Variants in DCDC1 observed in about 807,000 individuals in gnomAD.
The protein encoded by DCDC1 is doublecortin domain containing 1.
A neutral mutation model predicts 178.3 loss-of-function variants in DCDC1; 200 were observed. That is an observed-to-expected ratio of 1.12 (90% CI 1.00 to 1.26). The LOEUF is 1.26. DCDC1 is among the 50% of genes most tolerant of loss of function. The probability of loss-of-function intolerance (pLI) is 0.00; values close to 1 mark genes in which losing one functional copy is unlikely to be tolerated. For synonymous variants in DCDC1, 690 were observed against 604.8 expected (o/e 1.14, Z -2.07); for missense variants, 1,983 against 1,749.2 (o/e 1.13, Z -2.38).
At chr11:31,152,730 C>A (rs539994683) in intron 9 of DCDC1, among the ~76,000 whole-genome samples, 2 of 152,270 alleles carry the variant, frequency 1.3e-5, no homozygotes, top group East Asian at 3.9e-4. Flanking sequence ...GCACCTGTGG[C>A]CATCCAAGAG....
chr11:30,892,685 A>G (rs1293644594), intron 36 of DCDC1, 133 bp downstream of exon 36: 1 of 984,820 alleles, frequency 1.0e-6, no homozygotes, highest in Non-Finnish European at 1.5e-6. Flanking sequence ...TCCTATGAGG[A>G]AAGTACTGTT....
intron 9 of DCDC1, among the ~76,000 whole-genome samples, chr11:31,138,795 G>A (rs1349564223): frequency 6.6e-6 from 1 of 152,146 alleles, no homozygotes; most frequent in Non-Finnish European, 1.5e-5. Flanking sequence ...TAGAGGAAGG[G>A]AGGTTCAAAA....
chr11:31,194,732 T>A (rs558795023), intron 9 of DCDC1, among the ~76,000 whole-genome samples: 1 of 152,104 alleles, frequency 6.6e-6, no homozygotes, highest in Admixed American at 6.6e-5. Context: ...AATACTGTGA[T>A]GGACATTTTT....
At chr11:30,976,916 G>A (rs1267104467) in intron 20 of DCDC1, among the ~76,000 whole-genome samples, 1 of 152,110 alleles carries the variant, frequency 6.6e-6, no homozygotes, top group Non-Finnish European at 1.5e-5. Flanking sequence ...ACAGTAGCAA[G>A]CTATGGAATC....
chr11:31,130,528 G>A (rs1037827247), intron 10 of DCDC1, among the ~76,000 whole-genome samples: 1 of 152,108 alleles, frequency 6.6e-6, no homozygotes, highest in African/African-American at 2.4e-5. Context: ...ATACTGGTGA[G>A]AGCCACAAAC....
intron 22 of DCDC1, 129 bp downstream of exon 22, chr11:30,931,642 A>G: frequency 1.1e-6 from 1 of 935,308 alleles, no homozygotes; most frequent in Non-Finnish European, 1.5e-6. Flanking sequence ...TTTCATCTTC[A>G]AATATGAATA....
intron 9 of DCDC1, among the ~76,000 whole-genome samples, chr11:31,192,467 C>T (rs1201807612): frequency 6.6e-6 from 1 of 152,094 alleles, no homozygotes; most frequent in Non-Finnish European, 1.5e-5. Context: ...ACTGCTCTAC[C>T]AGTAAGCCAC....
At chr11:31,329,618 CA>C (rs1949854871) in intron 2 of DCDC1, among the ~76,000 whole-genome samples, 1 of 152,130 alleles carries the variant, frequency 6.6e-6, no homozygotes, top group African/African-American at 2.4e-5. Flanking sequence ...TCTCATTGTT[CA>C]ATTCCCACCT....
At chr11:31,018,460 G>T (rs995755915) in intron 20 of DCDC1, among the ~76,000 whole-genome samples, 1 of 152,156 alleles carries the variant, frequency 6.6e-6, no homozygotes, top group African/African-American at 2.4e-5. Flanking sequence ...CTAAGCGCCA[G>T]ATGCCCTATG....
At chr11:30,893,953 A>G (rs1217258738) in intron 35 of DCDC1, among the ~76,000 whole-genome samples, 1 of 152,164 alleles carries the variant, frequency 6.6e-6, no homozygotes, top group Non-Finnish European at 1.5e-5. Context: ...AAGGCTCAAC[A>G]TGACTACAAT....
At chr11:31,173,757 CAA>C (rs1967571118) in intron 9 of DCDC1, among the ~76,000 whole-genome samples, 1 of 103,844 alleles carries the variant, frequency 9.6e-6, no homozygotes. Flanking sequence ...CACACACACA[CAA>C]ACACACACAC....
At chr11:31,190,860 C>T (rs1412896705) in intron 9 of DCDC1, among the ~76,000 whole-genome samples, 5 of 151,936 alleles carry the variant, frequency 3.3e-5, no homozygotes, top group Non-Finnish European at 7.4e-5. Context: ...TAATCTTAGA[C>T]CATTTTTCTA....
chr11:31,193,533 G>C (rs1465842814), intron 9 of DCDC1, among the ~76,000 whole-genome samples: 1 of 151,994 alleles, frequency 6.6e-6, no homozygotes, highest in African/African-American at 2.4e-5. Context: ...TCCCACTTCT[G>C]TTTCTTTGAC....
chr11:31,367,272 C>A (rs1158122905), intron 1 of DCDC1, among the ~76,000 whole-genome samples: 1 of 152,242 alleles, frequency 6.6e-6, no homozygotes, highest in Admixed American at 6.5e-5. Flanking sequence ...GCACTCCAGA[C>A]TGGACACCAG....
At chr11:31,281,336 G>A (rs1221184500) in intron 7 of DCDC1, among the ~76,000 whole-genome samples, 1 of 141,282 alleles carries the variant, frequency 7.1e-6, no homozygotes, top group African/African-American at 2.7e-5. Context: ...TGATCTTGAG[G>A]AAAACAGTTC....
chr11:31,345,143 G>C (rs1400586212), intron 1 of DCDC1, among the ~76,000 whole-genome samples: 1 of 151,870 alleles, frequency 6.6e-6, no homozygotes, highest in East Asian at 1.9e-4. Flanking sequence ...TATGGTCAAA[G>C]GCCATTTTTT....
chr11:31,282,967 TC>T (rs1393570616), intron 7 of DCDC1, among the ~76,000 whole-genome samples: 1 of 152,196 alleles, frequency 6.6e-6, no homozygotes, highest in Non-Finnish European at 1.5e-5. Flanking sequence ...TACATATGTA[TC>T]CCTGTAATTA....
chr11:31,020,577 T>C (rs1179298547), intron 20 of DCDC1, among the ~76,000 whole-genome samples: 8 of 152,126 alleles, frequency 5.3e-5, no homozygotes, highest in Non-Finnish European at 2.9e-5. Context: ...CTTGAAAATA[T>C]CTCTTAGATT....
In DCDC1 at chr11:30,998,580, T is replaced by C. The variant is rs144467729; in HGVS notation, c.2592-46012A>G. Among the ~76,000 whole-genome samples, 4 of 152,222 alleles carry C rather than the reference T, an allele frequency of 2.6e-5. No homozygotes were observed. In the East Asian group the frequency reaches 5.8e-4, roughly 22 times the overall value. The stretch of plus-strand genomic sequence containing the variant: ...GTAAATGTTTTAAAAATGACAGAAA[T>C]AACAAATCACCATTAGAACATCATA... On this transcript the variant is annotated intron_variant, in intron 20 of 38. Coordinates refer to ENST00000684477, the MANE Select transcript of DCDC1 (RefSeq NM_001387274.1).
Sources: gnomAD v4.1 joint callset for allele counts (sites outside exome capture counted in the v4.1 genomes callset) on GRCh38, gnomAD v4.1.1 for gene constraint, MANE v1.5 for transcripts, NCBI Gene and HGNC (gene_info 2026-07-23, HGNC 2026-07-21) for gene names.